The following FAM149B1 variants were observed in gnomAD, a reference collection of about 807,000 sequenced individuals.
The protein encoded by FAM149B1 is family with sequence similarity 149 member B1.
FAM149B1 carries 56 observed loss-of-function variants against 75.3 expected under a neutral mutation model. The ratio of observed to expected loss-of-function variants is 0.74; its 90% CI spans 0.60 to 0.93. The LOEUF (loss-of-function observed/expected upper bound fraction) is 0.93. Ranked by LOEUF, FAM149B1 falls within the 40% of genes least tolerant of loss-of-function variation. The pLI is 0.00. For synonymous variants in FAM149B1, 259 were observed against 256.1 expected, an observed-to-expected ratio of 1.01 and a Z score of -0.11; for missense variants, 639 against 708.4, an observed-to-expected ratio of 0.90 and a Z score of 1.11.
At chr10:73,240,444 G>T (rs1425421597) in intron 13 of FAM149B1, among the ~76,000 whole-genome samples, 1 of 152,176 alleles carries the variant, frequency 6.6e-6, no homozygotes, top group Non-Finnish European at 1.5e-5. Flanking sequence ...TGGGCGTGGT[G>T]GCTCATGCCT....
intron 3 of FAM149B1, among the ~76,000 whole-genome samples, chr10:73,182,998 G>T (rs1219830191): frequency 6.6e-6 from 1 of 152,084 alleles, no homozygotes; most frequent in African/African-American, 2.4e-5. Context: ...CCTTCCTCCT[G>T]TACAGATCCC....
chr10:73,173,048 G>C lies in FAM149B1; in HGVS notation c.48-1639G>C, dbSNP rs912141526. Among the ~76,000 whole-genome samples, 5 of 152,212 alleles carry C rather than the reference G, an allele frequency of 3.3e-5. No individual in the cohort carries two copies. The South Asian group carries it at 6.2e-4, about 19-fold the overall frequency. On this transcript the variant is annotated intron_variant, in intron 1 of 13. Transcript: ENST00000242505. The stretch of plus-strand genomic sequence containing the variant: ...ACAGAAGAATCCCTTGAGCCCAGGA[G>C]GTCAAGGCTGCAGTGAGCTATGACC...
intron 7 of FAM149B1, among the ~76,000 whole-genome samples, chr10:73,220,346 T>C (rs1434261199): frequency 6.6e-6 from 1 of 152,182 alleles, no homozygotes; most frequent in East Asian, 1.9e-4. Context: ...GCAGCTATTG[T>C]GGAAACAATT....
intron 7 of FAM149B1, among the ~76,000 whole-genome samples, chr10:73,225,232 A>G (rs1487658596): frequency 6.6e-6 from 1 of 152,246 alleles, no homozygotes; most frequent in Non-Finnish European, 1.5e-5. Flanking sequence ...TAACTGTAAA[A>G]TAGCCTCAGG....
At chr10:73,225,894 G>A (rs1044099324) in intron 7 of FAM149B1, among the ~76,000 whole-genome samples, 1 of 152,164 alleles carries the variant, frequency 6.6e-6, no homozygotes, top group Non-Finnish European at 1.5e-5. Flanking sequence ...ATTCAGTACA[G>A]TAACATGCTG....
At chr10:73,200,703 C>A in intron 5 of FAM149B1, 1 of 482,616 alleles carries the variant, frequency 2.1e-6, no homozygotes, top group Non-Finnish European at 4.0e-6. Context: ...ACTAAAGATC[C>A]TATTCAAATT....
Position 73,243,681 on chromosome 10 carries a change from T to C in FAM149B1, c.*2662T>C, listed in dbSNP as rs1190674250. 1.7e-6 allele frequency: 2 copies of C among 1,155,404 alleles called. No individual in the cohort carries two copies. Among genetic ancestry groups the C allele is most frequent in the African/African-American group, 1.6e-5 (1 of 64,072 alleles). The allele number at this position is 1,155,404 out of a possible 1,614,324, so 71.6% of individuals were successfully genotyped here. A position where few individuals can be genotyped will look rare whatever the true frequency, so the allele number is the denominator to read the frequency against. On this transcript the variant is annotated 3_prime_UTR_variant, in exon 14 of 14. Coordinates refer to ENST00000242505, the MANE Select transcript of FAM149B1 (RefSeq NM_173348.2). ...AATTGGTGTTAATAATTGTAAAACT[T>C]TGTAAATACACTTAAAACCACCAAA...
chr10:73,229,981 C>T (rs1274521182), intron 8 of FAM149B1, among the ~76,000 whole-genome samples: 1 of 152,164 alleles, frequency 6.6e-6, no homozygotes, highest in Non-Finnish European at 1.5e-5. Context: ...GGCTGACCTG[C>T]TCCACAGGTA....
chr10:73,227,558 G>A (rs1231553311), intron 7 of FAM149B1, among the ~76,000 whole-genome samples: 1 of 152,136 alleles, frequency 6.6e-6, no homozygotes, highest in East Asian at 1.9e-4. Flanking sequence ...ATTCTTAAAA[G>A]TGATTTCTAA....
intron 9 of FAM149B1, 56 bp downstream of exon 9, chr10:73,230,581 C>G (rs1012079103): frequency 3.9e-6 from 4 of 1,019,304 alleles, no homozygotes; most frequent in Admixed American, 4.0e-5. Context: ...AGAGGGAAAG[C>G]AAAATCAGTT....
intron 2 of FAM149B1, 35 bp from the exon 3 acceptor site, chr10:73,177,808 TTTC>T (rs1171181776): frequency 1.3e-6 from 2 of 1,529,898 alleles, no homozygotes; most frequent in Non-Finnish European, 1.7e-6. Flanking sequence ...TATGAAAAAT[TTTC>T]TTTTTTCTCT....
At chr10:73,233,210 C>T (rs2043751239) in intron 10 of FAM149B1, 47 bp downstream of exon 10, 2 of 1,230,230 alleles carry the variant, frequency 1.6e-6, no homozygotes, top group Non-Finnish European at 2.3e-6. Context: ...AAAACTAACA[C>T]ATTTTACATA....
Position 73,243,738 on chromosome 10 carries a change from T to G in FAM149B1, c.*2719T>G. On this transcript the variant is annotated 3_prime_UTR_variant, in exon 14 of 14. Transcript: ENST00000242505. ...ACTTTAAAAGGACAAATAGAAGGTA[T>G]GCGGTTATGTCTTAAAAGAAGAAAA... 1 of 1,162,440 alleles carries G rather than the reference T, an allele frequency of 8.6e-7. No homozygotes were observed. The highest frequency in any genetic ancestry group is 2.2e-4 in the Middle Eastern group (1 of 4,516). The allele number at this position is 1,162,440 out of a possible 1,614,324, so 72.0% of individuals were successfully genotyped here.
intron 4 of FAM149B1, 111 bp downstream of exon 4, chr10:73,192,809 A>G (rs529601267): frequency 3.8e-6 from 4 of 1,047,316 alleles, no homozygotes; most frequent in Non-Finnish European, 5.3e-6. Flanking sequence ...ACTTTAATGA[A>G]TGTAAATAAG....
chr10:73,243,336 T>C lies in FAM149B1; in HGVS notation c.*2317T>C. On this transcript the variant is annotated 3_prime_UTR_variant, in exon 14 of 14. Transcript: ENST00000242505. ...TGAATTGACTTTTGCCTTCAAATCC[T>C]GCCTGCACCTTGCCTACGATGGCAT... 6.3e-7 allele frequency: 1 copy of C among 1,593,918 alleles called. No homozygotes were observed. Among genetic ancestry groups the C allele is most frequent in the Admixed American group, 1.7e-5 (1 of 59,090 alleles).
chr10:73,234,933 G>C lies in FAM149B1; in HGVS notation c.1469G>C (p.Arg490Thr). Residue 490 changes from arginine to threonine, a missense_variant, in exon 11 of 14, where the codon AGA becomes ACA. Physicochemically the swap from Arg to Thr is moderately conservative, Grantham distance 71. Transcript: ENST00000242505. ...VEHVSTVGPQ[R>T]QMKPHGDSSR... ...CATGTGAGCACTGTGGGGCCACAAAGACAGATGGTATGTTTCTTTCATATT... is the reference window on the plus strand; with the variant it reads ...CATGTGAGCACTGTGGGGCCACAAACACAGATGGTATGTTTCTTTCATATT... 6.4e-7 allele frequency: 1 copy of C among 1,551,994 alleles called. No individual in the cohort carries two copies. Among genetic ancestry groups the C allele is most frequent in the Non-Finnish European group, 8.7e-7 (1 of 1,147,066 alleles).
intron 5 of FAM149B1, among the ~76,000 whole-genome samples, chr10:73,194,514 T>C (rs577844218): frequency 6.6e-6 from 1 of 151,974 alleles, no homozygotes; most frequent in Non-Finnish European, 1.5e-5. Flanking sequence ...TGCCTCAGCC[T>C]CCCGAGTAGC....
chr10:73,232,835 C>T, intron 9 of FAM149B1, 104 bp from the exon 10 acceptor site: 1 of 674,870 alleles, frequency 1.5e-6, no homozygotes, highest in Admixed American at 2.6e-5. Flanking sequence ...TGCTTTATTT[C>T]CCCCTAAATG....
intron 3 of FAM149B1, among the ~76,000 whole-genome samples, chr10:73,185,189 T>G (rs891832415): frequency 6.6e-6 from 1 of 152,166 alleles, no homozygotes; most frequent in Non-Finnish European, 1.5e-5. Context: ...TTTAAACAGC[T>G]CCATACCAAT....
Sources: allele counts gnomAD v4.1 joint callset (sites outside exome capture counted in the v4.1 genomes callset), GRCh38; gene constraint gnomAD v4.1.1; transcripts MANE v1.5; gene names NCBI Gene and HGNC (gene_info 2026-07-23, HGNC 2026-07-21).